HIVEP3: variants seen among roughly 807,000 people sequenced by gnomAD.
HIVEP3 encodes the protein transcription factor HIVEP3.
A neutral mutation model predicts 152.8 loss-of-function variants in HIVEP3; 49 were observed. The ratio of observed to expected loss-of-function variants is 0.32; its 90% CI spans 0.26 to 0.41. The LOEUF is 0.41. HIVEP3 is among the 10% of genes least tolerant of loss of function. The pLI is 1.00. For missense variants in HIVEP3, 2,790 were observed against 3,103.3 expected (o/e 0.90, Z 2.40); for synonymous variants, 1,269 against 1,289.0 (o/e 0.98, Z 0.33).
intron 1 of HIVEP3, among the ~76,000 whole-genome samples, chr1:41,891,888 T>G (rs1644452845): frequency 6.6e-6 from 1 of 152,064 alleles, no homozygotes; most frequent in Admixed American, 6.6e-5. Flanking sequence ...AGGCAAGGAG[T>G]AAAACTCACG....
chr1:41,517,244 G>T (rs374977406), intron 7 of HIVEP3, among the ~76,000 whole-genome samples: 13 of 152,152 alleles, frequency 8.5e-5, no homozygotes, highest in African/African-American at 3.1e-4. Context: ...CAGGGTTTTT[G>T]TGTGACCTTG....
chr1:41,594,990 A>G (rs1271179689), intron 3 of HIVEP3, among the ~76,000 whole-genome samples: 2 of 151,818 alleles, frequency 1.3e-5, no homozygotes, highest in Admixed American at 1.3e-4. Flanking sequence ...TGAATAGTCC[A>G]CCTCCCCACC....
chr1:42,027,227 C>A lies in HIVEP3; in HGVS notation n.119+8580G>T, dbSNP rs537859233. Among the ~76,000 whole-genome samples, 8 of 152,354 alleles carry A rather than the reference C, an allele frequency of 5.3e-5. No homozygotes were observed. In the East Asian group the frequency reaches 1.5e-3, roughly 29 times the overall value. ...CCAACATCTAATACATTGGCAAATT[C>A]TGTCAATGCTACCTTCAAAATATAT... On this transcript the variant is annotated intron_variant and non_coding_transcript_variant, in intron 1 of 3. Transcript: ENST00000489103.
At chr1:42,012,162 A>G (rs1020792058) in intron 1 of HIVEP3, among the ~76,000 whole-genome samples, 1 of 151,958 alleles carries the variant, frequency 6.6e-6, no homozygotes, top group Non-Finnish European at 1.5e-5. Flanking sequence ...AGAACAGGGT[A>G]CTTTTATTCT....
At chr1:41,553,202 T>C (rs1460097669) in intron 5 of HIVEP3, among the ~76,000 whole-genome samples, 1 of 152,224 alleles carries the variant, frequency 6.6e-6, no homozygotes, top group Non-Finnish European at 1.5e-5. Context: ...TGCATATATA[T>C]TTAGGATAGT....
intron 1 of HIVEP3, among the ~76,000 whole-genome samples, chr1:41,843,953 C>T (rs1643364110): frequency 6.6e-6 from 1 of 152,010 alleles, no homozygotes; most frequent in Non-Finnish European, 1.5e-5. Context: ...TGATGTTCCC[C>T]TTCCTGTGTC....
intron 1 of HIVEP3, among the ~76,000 whole-genome samples, chr1:41,910,535 T>G (rs762632584): frequency 2.6e-5 from 4 of 151,882 alleles, no homozygotes; most frequent in Non-Finnish European, 4.4e-5. Flanking sequence ...TACAAAACCC[T>G]GCCAAGGATA....
At chr1:42,008,311 T>C (rs1645472639) in intron 1 of HIVEP3, among the ~76,000 whole-genome samples, 1 of 152,208 alleles carries the variant, frequency 6.6e-6, no homozygotes, top group Admixed American at 6.5e-5. Context: ...CATTTTTGTT[T>C]CCTTTGTATG....
At chr1:41,697,118 C>T (rs1315896673) in intron 2 of HIVEP3, among the ~76,000 whole-genome samples, 1 of 152,192 alleles carries the variant, frequency 6.6e-6, no homozygotes, top group Non-Finnish European at 1.5e-5. Flanking sequence ...ACTGAGGCTG[C>T]TGTTGCACTG....
chr1:41,781,165 T>A (rs1303626178), intron 1 of HIVEP3, among the ~76,000 whole-genome samples: 1 of 152,214 alleles, frequency 6.6e-6, no homozygotes, highest in South Asian at 2.1e-4. Context: ...AGCACCTCTT[T>A]GAGCTTGTCT....
intron 1 of HIVEP3, among the ~76,000 whole-genome samples, chr1:41,932,866 T>A (rs1224481036): frequency 2.0e-5 from 3 of 151,882 alleles, no homozygotes; most frequent in Non-Finnish European, 4.4e-5. Flanking sequence ...AATTGTGATA[T>A]GTTGTAGTTC....
intron 1 of HIVEP3, among the ~76,000 whole-genome samples, chr1:41,966,529 G>A (rs988606804): frequency 4.0e-5 from 5 of 124,376 alleles, no homozygotes; most frequent in African/African-American, 1.2e-4. Flanking sequence ...GCCAGACTGC[G>A]GTGGCGCCAT....
intron 5 of HIVEP3, among the ~76,000 whole-genome samples, chr1:41,528,215 TCA>T (rs1643073972): frequency 1.2e-5 from 1 of 80,706 alleles, no homozygotes; most frequent in South Asian, 5.2e-4. Flanking sequence ...CCTCACACCT[TCA>T]CACTCCACCC....
At chr1:41,696,562 T>C (rs1646279274) in intron 2 of HIVEP3, among the ~76,000 whole-genome samples, 1 of 152,346 alleles carries the variant, frequency 6.6e-6, no homozygotes, top group South Asian at 2.1e-4. Context: ...CCAGACACAC[T>C]GAACATCTGA....
chr1:41,829,010 T>C (rs1642882930), intron 1 of HIVEP3, among the ~76,000 whole-genome samples: 1 of 152,190 alleles, frequency 6.6e-6, no homozygotes, highest in Non-Finnish European at 1.5e-5. Flanking sequence ...CTGAGCTGGC[T>C]CAGGGGTGGC....
chr1:41,710,318 A>G (rs1346772436), intron 1 of HIVEP3, among the ~76,000 whole-genome samples: 1 of 152,212 alleles, frequency 6.6e-6, no homozygotes, highest in Non-Finnish European at 1.5e-5. Context: ...AAAGGAAAAC[A>G]GAAGCACAGA....
At chr1:41,902,439 G>A (rs551634499) in intron 1 of HIVEP3, among the ~76,000 whole-genome samples, 3 of 152,208 alleles carry the variant, frequency 2.0e-5, no homozygotes, top group Admixed American at 6.5e-5. Flanking sequence ...AATGTAAACC[G>A]AACCTCCTGC....
chr1:41,970,634 T>C (rs1256544614), intron 1 of HIVEP3, among the ~76,000 whole-genome samples: 1 of 152,198 alleles, frequency 6.6e-6, no homozygotes, highest in Non-Finnish European at 1.5e-5. Flanking sequence ...CAAATCACCA[T>C]GGTACACATT....
At chr1:41,735,168 G>A (rs889974829) in intron 1 of HIVEP3, among the ~76,000 whole-genome samples, 2 of 152,184 alleles carry the variant, frequency 1.3e-5, no homozygotes, top group Non-Finnish European at 2.9e-5. Flanking sequence ...TCAGAGAGGT[G>A]GAATCATCTT....
Sources: allele counts gnomAD v4.1 joint callset (sites outside exome capture counted in the v4.1 genomes callset), GRCh38; gene constraint gnomAD v4.1.1; transcripts MANE v1.5; gene names NCBI Gene and HGNC (gene_info 2026-07-23, HGNC 2026-07-21).